OTOA: variants seen among roughly 807,000 people sequenced by gnomAD.
OTOA encodes otoancorin.
In OTOA, 70 loss-of-function variants were observed where a neutral mutation model predicts 110.8. The ratio of observed to expected loss-of-function variants is 0.63; its 90% CI spans 0.52 to 0.77. OTOA has a LOEUF of 0.77. Ranked by LOEUF, OTOA falls within the 30% of genes least tolerant of loss-of-function variation. The pLI, the probability that OTOA is intolerant of heterozygous loss-of-function variation, is 0.00. For synonymous variants in OTOA, 373 were observed against 431.5 expected (o/e 0.86, Z 1.68); for missense variants, 917 against 1,075.8 (o/e 0.85, Z 2.06).
At chr16:21,759,174 C>A (rs935686765) in intron 28 of OTOA, among the ~76,000 whole-genome samples, 30 of 151,962 alleles carry the variant, frequency 2.0e-4, no homozygotes, top group Middle Eastern at 3.4e-3. Context: ...ATCTTTTCCT[C>A]CAGCCCCTGT....
chr16:21,713,621 G>A (rs566337430), intron 13 of OTOA, among the ~76,000 whole-genome samples: 19 of 152,284 alleles, frequency 1.2e-4, no homozygotes, highest in African/African-American at 4.6e-4. Flanking sequence ...AGTGTGTAAG[G>A]GAACTGGAAA....
chr16:21,723,058 C>A (rs1898808736), intron 18 of OTOA, 80 bp downstream of exon 18: 3 of 1,472,898 alleles, frequency 2.0e-6, no homozygotes, highest in Non-Finnish European at 2.8e-6. Flanking sequence ...ATTCTCTCCC[C>A]ACTGGGTTTT....
At chr16:21,694,026 A>G (rs570486856) in intron 9 of OTOA, among the ~76,000 whole-genome samples, 1 of 152,338 alleles carries the variant, frequency 6.6e-6, no homozygotes, top group East Asian at 1.9e-4. Context: ...GCTGTAGACA[A>G]TAGATGAATG....
intron 9 of OTOA, among the ~76,000 whole-genome samples, chr16:21,692,256 G>A (rs912873388): frequency 7.2e-5 from 11 of 152,018 alleles, no homozygotes; most frequent in Non-Finnish European, 1.5e-4. Flanking sequence ...CAACTGGGGA[G>A]GCAGAGATTG....
intron 12 of OTOA, among the ~76,000 whole-genome samples, chr16:21,707,157 G>A (rs1294287408): frequency 1.3e-5 from 2 of 151,932 alleles, no homozygotes; most frequent in Admixed American, 1.3e-4. Context: ...CAGCCACCGA[G>A]CCTAGCCTGT....
At chr16:21,757,958 C>T (rs925382515) in intron 28 of OTOA, among the ~76,000 whole-genome samples, 1 of 152,084 alleles carries the variant, frequency 6.6e-6, no homozygotes, top group Non-Finnish European at 1.5e-5. Context: ...TACTGGGCAC[C>T]TACTATGTTC....
intron 22 of OTOA, among the ~76,000 whole-genome samples, chr16:21,737,931 G>A (rs1452607573): frequency 1.3e-5 from 2 of 152,310 alleles, no homozygotes; most frequent in African/African-American, 4.8e-5. Flanking sequence ...GTCAGTGCTT[G>A]CTTTCATCCA....
In OTOA at chr16:21,719,368, G is replaced by T. The variant is rs1898655602; in HGVS notation, c.1689-19G>T. 1 of 1,610,646 alleles carries T rather than the reference G, an allele frequency of 6.2e-7. No individual in the cohort carries two copies. The highest frequency in any genetic ancestry group is 8.5e-7 in the Non-Finnish European group (1 of 1,176,940). On this transcript the variant is annotated intron_variant, in intron 16 of 28. Transcript: ENST00000646100. ...TCCTCACTTCCTTCCTCTCCCGAGT[G>T]CCTTGTTTTGTTTTCTAGTGCTGGG...
chr16:21,679,496 C>T (rs1232846298), intron 5 of OTOA, among the ~76,000 whole-genome samples: 5 of 152,034 alleles, frequency 3.3e-5, no homozygotes, highest in African/African-American at 4.8e-5. Context: ...CCTCTGCCTC[C>T]GGGGTTCAAG....
At position 21,700,927 on chromosome 16, in the gene OTOA, C is replaced by T. The variant is rs1379342583; in HGVS notation, c.880C>T (p.Leu294=). 1 of 1,614,088 alleles carries T rather than the reference C, an allele frequency of 6.2e-7. No homozygotes were observed. Among genetic ancestry groups the T allele is most frequent in the Non-Finnish European group, 8.5e-7 (1 of 1,180,010 alleles). The change falls in exon 11 of 29, where the codon CTG becomes TTG. Residue 294 remains leucine (L), a synonymous_variant. Coordinates refer to ENST00000646100, the MANE Select transcript of OTOA (RefSeq NM_144672.4). ...FISYDNATKQ[L]DMVYDITPEL... ...CAGCTATGACAACGCCACCAAGCAG[C>T]TGGACATGGTCTATGACATCACACC...
Position 21,705,236 on chromosome 16 carries a change from C to T in OTOA, c.1048C>T (p.Leu350Phe). The T allele has an allele frequency of 6.2e-7, 1 of 1,614,158 alleles. No homozygotes were observed. Among genetic ancestry groups the T allele is most frequent in the Non-Finnish European group, 8.5e-7 (1 of 1,180,026 alleles). The change falls in exon 12 of 29, where the codon CTT becomes TTT. Residue 350 changes from leucine (L) to phenylalanine (F), a missense_variant. Physicochemically the swap from Leu to Phe is conservative, Grantham distance 22. Transcript: ENST00000646100. ...LLDATVAQVL[L>F]YQMIKCSHLR... ...GGATGCCACTGTGGCTCAAGTCCTG[C>T]TTTACCAGATGATCAAGTGCAGCCA...
chr16:21,701,065 A>T (rs1885072918), intron 11 of OTOA, 38 bp downstream of exon 11: 3 of 1,613,722 alleles, frequency 1.9e-6, no homozygotes, highest in Non-Finnish European at 2.5e-6. Context: ...GCCCTTTCCC[A>T]AGATGTGATC....
At chr16:21,722,249 G>A (rs1898773905) in intron 17 of OTOA, among the ~76,000 whole-genome samples, 1 of 140,078 alleles carries the variant, frequency 7.1e-6, no homozygotes. Flanking sequence ...GTGACAGAGT[G>A]AGACTGTCTC....
chr16:21,719,416 G>C lies in OTOA; in HGVS notation c.1718G>C (p.Cys573Ser). ...GGGCAGCTGGTCAAAGGCGTGACCT[G>C]CTCACACATTGATGCCATGAGCACT... is the stretch of plus-strand genomic sequence containing the variant. The part of the protein sequence containing the change: ...SAGQLVKGVT[C>S]SHIDAMSTDF... Residue 573 changes from cysteine (C) to serine (S), a missense_variant, in exon 17 of 29, where the codon TGC becomes TCC. Cys to Ser is a moderately radical substitution (Grantham distance 112). Around this residue, in one of 6 missense-constraint regions of OTOA, gnomAD observed 840 missense variants for 910.2 expected, o/e 0.92. Coordinates refer to ENST00000646100, the MANE Select transcript of OTOA (RefSeq NM_144672.4). 6.2e-7 allele frequency: 1 copy of C among 1,614,088 alleles called. No individual in the cohort carries two copies. Among genetic ancestry groups the C allele is most frequent in the Non-Finnish European group, 8.5e-7 (1 of 1,180,012 alleles).
At chr16:21,684,000 C>T (rs1966949109) in intron 6 of OTOA, among the ~76,000 whole-genome samples, 1 of 151,976 alleles carries the variant, frequency 6.6e-6, no homozygotes, top group Non-Finnish European at 1.5e-5. Flanking sequence ...AACTCCTGAC[C>T]TCATGATCCG....
chr16:21,697,648 C>A, intron 9 of OTOA, 127 bp from the exon 10 acceptor site: 1 of 910,116 alleles, frequency 1.1e-6, no homozygotes, highest in Non-Finnish European at 1.7e-6. Context: ...CCCCGAAAAA[C>A]AAAATAACGA....
chr16:21,688,082 G>A (rs1170202108), intron 8 of OTOA, among the ~76,000 whole-genome samples: 2 of 152,072 alleles, frequency 1.3e-5, no homozygotes, highest in Non-Finnish European at 2.9e-5. Flanking sequence ...ACGTTTTGGA[G>A]CAAAAGCTTA....
At position 21,679,197 on chromosome 16, in the gene OTOA, C is replaced by T; in HGVS notation, c.165C>T (p.Leu55=). Reference sequence around the variant, plus strand: ...CTCCCATTGTAGCACTGCTGGATCTCATACAGTTTCAAAGGTAAAATGCCC... The same window carrying T: ...CTCCCATTGTAGCACTGCTGGATCTTATACAGTTTCAAAGGTAAAATGCCC... ...DGSYLNALLD[L]IQFQSSHVWT... is the part of the protein sequence containing the mutation. The change falls in exon 5 of 29, where the codon CTC becomes CTT. Residue 55 remains leucine (L), a synonymous_variant. Transcript: ENST00000646100. The T allele has an allele frequency of 3.1e-6, 5 of 1,613,590 alleles. No individual in the cohort carries two copies. The highest frequency in any genetic ancestry group is 4.2e-6 in the Non-Finnish European group (5 of 1,179,888).
chr16:21,704,485 G>T (rs1174351821), intron 11 of OTOA, among the ~76,000 whole-genome samples: 2 of 152,124 alleles, frequency 1.3e-5, no homozygotes, highest in Non-Finnish European at 1.5e-5. Flanking sequence ...GTGAAATGGG[G>T]CTAATGAGAG....
Sources: gnomAD v4.1 joint callset for allele counts (sites outside exome capture counted in the v4.1 genomes callset) on GRCh38, gnomAD v4.1.1 for gene constraint, gnomAD v4.1.1 regional missense constraint, MANE v1.5 for transcripts, NCBI Gene and HGNC (gene_info 2026-07-23, HGNC 2026-07-21) for gene names.